PRR11: variants seen among roughly 807,000 people sequenced by gnomAD.
PRR11 encodes proline rich 11.
A neutral mutation model predicts 45.6 loss-of-function variants in PRR11; 30 were observed. That is an observed-to-expected ratio of 0.66 (90% CI 0.49 to 0.89). The LOEUF (loss-of-function observed/expected upper bound fraction) is 0.89. Among genes scored for constraint, PRR11 ranks in the 40% least tolerant of loss-of-function variants. PRR11 has a pLI of 0.00. For synonymous variants in PRR11, 128 were observed against 153.5 expected, an observed-to-expected ratio of 0.83 and a Z score of 1.23; for missense variants, 373 against 424.8, an observed-to-expected ratio of 0.88 and a Z score of 1.07.
Position 59,206,130 on chromosome 17 carries a change from G to C in PRR11, c.*4499G>C, listed in dbSNP as rs1373348866. Among the ~76,000 whole-genome samples, 1 of 152,130 alleles carries C rather than the reference G, an allele frequency of 6.6e-6. No homozygotes were observed. Among genetic ancestry groups the C allele is most frequent in the African/African-American group, 2.4e-5 (1 of 41,436 alleles). On this transcript the variant is annotated 3_prime_UTR_variant, in exon 10 of 10. Coordinates refer to ENST00000262293, the MANE Select transcript of PRR11 (RefSeq NM_018304.4). ...ACCTATAATCCTAGCACTTTGGGAG[G>C]CTAAGGCAGGAGGTTCGCTTGAGGC...
chr17:59,177,947 A>G (rs1210398961), intron 2 of PRR11, among the ~76,000 whole-genome samples: 4 of 150,112 alleles, frequency 2.7e-5, no homozygotes, highest in Non-Finnish European at 5.9e-5. Context: ...GGCTGTGGTG[A>G]GCTGTGATCA....
chr17:59,159,574 C>A (rs1176847599), intron 1 of PRR11, among the ~76,000 whole-genome samples: 1 of 152,150 alleles, frequency 6.6e-6, no homozygotes. Context: ...AGAAGAAATA[C>A]GAGCATGACA....
intron 2 of PRR11, among the ~76,000 whole-genome samples, chr17:59,177,629 A>G (rs1292743588): frequency 6.6e-6 from 1 of 152,186 alleles, no homozygotes; most frequent in Admixed American, 6.5e-5. Context: ...CCCAGAGCTC[A>G]GATCCCAAAT....
intron 2 of PRR11, among the ~76,000 whole-genome samples, chr17:59,175,678 G>A (rs1317681995): frequency 2.6e-5 from 4 of 152,130 alleles, no homozygotes; most frequent in African/African-American, 9.7e-5. Context: ...GGAGGAGGAG[G>A]TTGCAGTGAG....
chr17:59,179,619 T>C (rs2046769623), intron 2 of PRR11: 1 of 1,515,344 alleles, frequency 6.6e-7, no homozygotes, highest in Non-Finnish European at 8.9e-7. Context: ...AAGAACAGGA[T>C]TGGAGGTGCT....
chr17:59,176,636 G>A (rs1489363205), intron 2 of PRR11, among the ~76,000 whole-genome samples: 1 of 81,374 alleles, frequency 1.2e-5, no homozygotes, highest in Non-Finnish European at 2.6e-5. Flanking sequence ...GGTTCCTTTT[G>A]TTTTATTCTT....
At chr17:59,161,742 C>G (rs1310005513) in intron 1 of PRR11, among the ~76,000 whole-genome samples, 1 of 152,148 alleles carries the variant, frequency 6.6e-6, no homozygotes, top group African/African-American at 2.4e-5. Context: ...GAGCAAGAAC[C>G]TGTCTCAAAA....
intron 7 of PRR11, 56 bp from the exon 8 acceptor site, chr17:59,197,488 T>C: frequency 6.8e-7 from 1 of 1,467,576 alleles, no homozygotes; most frequent in African/African-American, 1.4e-5. Context: ...CCTGACCTTG[T>C]GATCCACCTG....
rs747188049 is a variant in PRR11 at position 59,155,962 on chromosome 17, A to G, written c.-6+157A>G. ...GGAAGGGGAGGTTTGGGGCTGGGGA[A>G]GAAGTGCTCGGCCTGGCTTCATCTT... On this transcript the variant is annotated intron_variant, in intron 1 of 9. Transcript: ENST00000262293. Among the ~76,000 whole-genome samples the G allele has an allele frequency of 7.1e-4, 108 of 152,136 alleles. 1 individual carries two copies. The highest frequency in any genetic ancestry group is 1.6e-4 in the Non-Finnish European group (11 of 68,016).
chr17:59,156,015 C>A (rs919292308), intron 1 of PRR11, among the ~76,000 whole-genome samples: 13 of 152,244 alleles, frequency 8.5e-5, no homozygotes, highest in Admixed American at 8.5e-4. Context: ...ATTAACACTT[C>A]GCAAGATACG....
chr17:59,178,960 C>G (rs938813237), intron 2 of PRR11, among the ~76,000 whole-genome samples: 3 of 152,182 alleles, frequency 2.0e-5, no homozygotes, highest in African/African-American at 7.2e-5. Context: ...GAGGGCACAG[C>G]TGAAGCCGCT....
intron 5 of PRR11, among the ~76,000 whole-genome samples, chr17:59,194,029 A>G (rs1468549888): frequency 6.6e-6 from 1 of 152,176 alleles, no homozygotes; most frequent in East Asian, 1.9e-4. Context: ...CTAGGAAACC[A>G]AATTTAGAAT....
chr17:59,204,395 CA>C lies in PRR11; in HGVS notation c.*2788del, dbSNP rs71367677. ...TGGGCAACAGAGCCAGACCCTGCCT[CA>C]AAAAAAAAAAAAAAAAAAAAAAAGG... On this transcript the variant is annotated 3_prime_UTR_variant, in exon 10 of 10. Transcript: ENST00000262293. The C allele has an allele frequency of 0.27, 13,245 of 49,132 alleles. 414 individuals are homozygous for C. The highest frequency in any genetic ancestry group is 0.37 in the African/African-American group (4,565 of 12,384). 3.0% of individuals were successfully genotyped at this position (49,132 alleles called of 1,614,324 possible).
intron 9 of PRR11, among the ~76,000 whole-genome samples, chr17:59,198,929 A>G (rs751417101): frequency 6.6e-6 from 1 of 152,188 alleles, no homozygotes; most frequent in Non-Finnish European, 1.5e-5. Context: ...TTTTTAGTAA[A>G]TATTTACTAA....
intron 1 of PRR11, among the ~76,000 whole-genome samples, chr17:59,157,436 T>G (rs2046631386): frequency 6.6e-6 from 1 of 152,206 alleles, no homozygotes; most frequent in Non-Finnish European, 1.5e-5. Context: ...GCATGGTGCC[T>G]CACACCTGTA....
At chr17:59,192,991 C>T (rs1039835299) in intron 4 of PRR11, among the ~76,000 whole-genome samples, 8 of 152,162 alleles carry the variant, frequency 5.3e-5, no homozygotes, top group African/African-American at 1.9e-4. Context: ...GAGATCATGG[C>T]TAAATATCAC....
rs1212113849 is a variant in PRR11 at position 59,197,691 on chromosome 17, AG to A, written c.918del. 6.2e-7 allele frequency: 1 copy of A among 1,613,554 alleles called. No individual in the cohort carries two copies. The highest frequency in any genetic ancestry group is 1.3e-5 in the African/African-American group (1 of 75,036). ...CTACTGTTATTTTCAATACCTTTGC[AG>A]GAGCCCAGGTGGAACCCCTCTTACC... On this transcript the variant is annotated splice_acceptor_variant, in intron 8 of 9. Transcript: ENST00000262293. LOFTEE classifies it high-confidence loss of function.
intron 1 of PRR11, among the ~76,000 whole-genome samples, chr17:59,162,489 G>A (rs979643080): frequency 2.0e-5 from 3 of 151,940 alleles, no homozygotes; most frequent in African/African-American, 4.8e-5. Flanking sequence ...TACAATACAA[G>A]CCTTATTAGA....
intron 4 of PRR11, among the ~76,000 whole-genome samples, chr17:59,189,880 T>C (rs2147852157): frequency 6.6e-6 from 1 of 152,136 alleles, no homozygotes; most frequent in South Asian, 2.1e-4. Context: ...ATAGTCCCAA[T>C]TTCTCAGGGG....
Sources: allele counts gnomAD v4.1 joint callset (sites outside exome capture counted in the v4.1 genomes callset), GRCh38; gene constraint gnomAD v4.1.1; transcripts MANE v1.5; gene names NCBI Gene and HGNC (gene_info 2026-07-23, HGNC 2026-07-21).